C1QTNF2: variants seen among roughly 807,000 people sequenced by gnomAD.
C1QTNF2 encodes the protein C1q and TNF related 2.
Under a neutral mutation model 17.4 loss-of-function variants are expected in C1QTNF2, and 15 were observed. The observed-to-expected ratio is 0.86, with a 90% CI of 0.58 to 1.33. The LOEUF is 1.33. Among genes scored for constraint, C1QTNF2 ranks in the 40% most tolerant of loss-of-function variants. The probability of loss-of-function intolerance (pLI) is 0.00; values close to 1 mark genes in which losing one functional copy is unlikely to be tolerated. For synonymous variants in C1QTNF2, 154 were observed against 163.3 expected (o/e 0.94, Z 0.44); for missense variants, 381 against 392.3 (o/e 0.97, Z 0.24).
At chr5:160,367,375 C>A (rs552293758) in intron 1 of C1QTNF2, among the ~76,000 whole-genome samples, 1 of 152,292 alleles carries the variant, frequency 6.6e-6, no homozygotes, top group African/African-American at 2.4e-5. Flanking sequence ...TGTGTCTCCC[C>A]AGAATTCACA....
At position 160,360,636 on chromosome 5, in the gene C1QTNF2, T is replaced by TA. The variant is rs368514314; in HGVS notation, c.-9-5617dup. The stretch of plus-strand genomic sequence containing the variant: ...GTAAGTATTAGTCCTTTCTCACCTG[T>TA]AAAAAAACAATCTGAGTTCCTAAAT... On this transcript the variant is annotated intron_variant, in intron 1 of 2. Transcript: ENST00000652664. 6.9e-4 allele frequency among the ~76,000 whole-genome samples: 105 copies of TA among 152,122 alleles called. 2 individuals are homozygous for TA. The highest frequency in any genetic ancestry group is 3.3e-3 in the Admixed American group (51 of 15,274).
Position 160,348,297 on chromosome 5 carries a change from C to T in C1QTNF2, c.*871G>A, listed in dbSNP as rs565275474. ...ACTTGACTCATGCAATGAGCAGATT[C>T]AAGATGATCCGCCTATCAGTGTCAC... On this transcript the variant is annotated 3_prime_UTR_variant, in exon 3 of 3. Transcript: ENST00000652664. 5.9e-4 allele frequency: 90 copies of T among 152,312 alleles called. No homozygotes were observed. The highest frequency in any genetic ancestry group is 2.1e-3 in the African/African-American group (89 of 41,570). The allele number at this position is 152,312 out of a possible 1,614,324, so 9.4% of individuals were successfully genotyped here. A position where few individuals can be genotyped will look rare whatever the true frequency, so the allele number is the denominator to read the frequency against.
intron 1 of C1QTNF2, among the ~76,000 whole-genome samples, chr5:160,369,345 T>C (rs957921179): frequency 3.3e-5 from 5 of 152,082 alleles, no homozygotes; most frequent in Non-Finnish European, 5.9e-5. Context: ...AGTCAGACAT[T>C]TGGGAGGAAA....
chr5:160,352,627 G>C (rs11748304), intron 2 of C1QTNF2, among the ~76,000 whole-genome samples: 26,779 of 152,210 alleles, frequency 0.18, 2,459 homozygotes, highest in Middle Eastern at 0.26. Flanking sequence ...AGGATCCATA[G>C]GCAAATCTCA....
chr5:160,352,427 T>C (rs895570029), intron 2 of C1QTNF2, among the ~76,000 whole-genome samples: 2 of 152,140 alleles, frequency 1.3e-5, no homozygotes, highest in African/African-American at 2.4e-5. Context: ...GGCCCCAGGG[T>C]GACAAGCTTT....
chr5:160,370,489 C>T, intron 1 of C1QTNF2, 23 bp downstream of exon 1: 1 of 1,425,294 alleles, frequency 7.0e-7, no homozygotes, highest in South Asian at 1.5e-5. Context: ...CGCCCCCGCC[C>T]GACCGCGGTG....
intron 2 of C1QTNF2, among the ~76,000 whole-genome samples, chr5:160,350,084 T>C (rs1763889388): frequency 6.6e-6 from 1 of 152,216 alleles, no homozygotes; most frequent in Non-Finnish European, 1.5e-5. Flanking sequence ...AGCTCAATCC[T>C]TCCATGGGCT....
Position 160,349,594 on chromosome 5 carries a change from GC to G in C1QTNF2, c.431del (p.Gly144AlafsTer13). On this transcript the variant is annotated frameshift_variant, in exon 3 of 3. Coordinates refer to ENST00000652664, the MANE Select transcript of C1QTNF2 (RefSeq NM_031908.6). LOFTEE classifies it high-confidence loss of function. This position sits in a 1 kb window ranked among gnomAD's most constrained non-coding sequence, Gnocchi z 4.3. ...AGAAAGCTGACTTGGTATGGCCACT[GC>G]CACAGCTGCAGGGGCCTGGGAGGCC... is the stretch of plus-strand genomic sequence containing the variant. Reference protein sequence around the residue: ...EPGLPGPCSCGSGHTKSAFSV... With the variant: ...EPGLPGPCSCXSGHTKSAFSV... 1 of 1,613,580 alleles carries G rather than the reference GC, an allele frequency of 6.2e-7. No homozygotes were observed. The highest frequency in any genetic ancestry group is 8.5e-7 in the Non-Finnish European group (1 of 1,179,930).
At chr5:160,369,504 G>A (rs1764309990) in intron 1 of C1QTNF2, among the ~76,000 whole-genome samples, 1 of 152,186 alleles carries the variant, frequency 6.6e-6, no homozygotes, top group Admixed American at 6.5e-5. Flanking sequence ...ATGGTGCAGA[G>A]GGAGGGCAAA....
Position 160,349,317 on chromosome 5 carries a change from T to G in C1QTNF2, c.709A>C (p.Thr237Pro), listed in dbSNP as rs1763862029. ...TCACCCTGCTTGAGAGCCAGGATGG[T>G]GGAGCCTGAGGCCACATCGTGGTTG... ...TGNHDVASGS[T>P]ILALKQGDEV... Residue 237 changes from threonine (T) to proline (P), a missense_variant, in exon 3 of 3, where the codon ACC becomes CCC. Physicochemically the swap from Thr to Pro is conservative, Grantham distance 38 (BLOSUM62 -1). Coordinates refer to ENST00000652664, the MANE Select transcript of C1QTNF2 (RefSeq NM_031908.6). This position sits in a 1 kb window ranked among gnomAD's most constrained non-coding sequence, Gnocchi z 4.3. 6.2e-7 allele frequency: 1 copy of G among 1,613,970 alleles called. No individual in the cohort carries two copies. Among genetic ancestry groups the G allele is most frequent in the Non-Finnish European group, 8.5e-7 (1 of 1,179,992 alleles).
At chr5:160,369,847 A>T (rs1182439172) in intron 1 of C1QTNF2, among the ~76,000 whole-genome samples, 2 of 152,204 alleles carry the variant, frequency 1.3e-5, no homozygotes, top group African/African-American at 2.4e-5. Flanking sequence ...GGGATGGAGA[A>T]ATAAGGACAA....
At chr5:160,368,598 T>C (rs1366726419) in intron 1 of C1QTNF2, among the ~76,000 whole-genome samples, 1 of 151,846 alleles carries the variant, frequency 6.6e-6, no homozygotes, top group Non-Finnish European at 1.5e-5. Context: ...GTTTGATTTA[T>C]GCAAGAGTTC....
chr5:160,367,505 T>A (rs1334289599), intron 1 of C1QTNF2, among the ~76,000 whole-genome samples: 1 of 152,130 alleles, frequency 6.6e-6, no homozygotes, highest in Non-Finnish European at 1.5e-5. Flanking sequence ...ATGAGTGGTG[T>A]CGTTACATTA....
In C1QTNF2 at chr5:160,349,536, G is replaced by A. The variant is rs771479495; in HGVS notation, c.490C>T (p.Arg164Trp). 66 of 1,613,732 alleles carry A rather than the reference G, an allele frequency of 4.1e-5. No homozygotes were observed. Among genetic ancestry groups the A allele is most frequent in the Non-Finnish European group, 4.9e-5 (58 of 1,180,014 alleles). ...VAVTKSYPRE[R>W]LPIKFDKILM... ...ATCTTGTCAAACTTGATGGGCAGCCGCTCCCGTGGGTAGCTCTTGGTCACT... is the reference window on the plus strand; with the variant it reads ...ATCTTGTCAAACTTGATGGGCAGCCACTCCCGTGGGTAGCTCTTGGTCACT... The change falls in exon 3 of 3, where the codon CGG (arginine) becomes TGG (tryptophan). Residue 164 changes from arginine to tryptophan, a missense_variant. Transcript: ENST00000652664. The surrounding 1 kb of genome is among the most constrained non-coding windows in gnomAD (Gnocchi z 4.3).
intron 2 of C1QTNF2, among the ~76,000 whole-genome samples, chr5:160,353,958 C>T (rs931321596): frequency 1.3e-5 from 2 of 151,890 alleles, no homozygotes; most frequent in African/African-American, 2.4e-5. Flanking sequence ...CATACACCAC[C>T]AGACCTGGCT....
intron 1 of C1QTNF2, among the ~76,000 whole-genome samples, chr5:160,358,127 A>G (rs1404797116): frequency 3.3e-5 from 5 of 152,258 alleles, no homozygotes; most frequent in Middle Eastern, 3.2e-3. Context: ...TCTGAGACAC[A>G]CAGGGAGGAA....
Position 160,370,600 on chromosome 5 carries a change from G to A in C1QTNF2, c.-98C>T, listed in dbSNP as rs773815515. 39 of 1,448,396 alleles carry A rather than the reference G, an allele frequency of 2.7e-5. No individual in the cohort carries two copies. Among genetic ancestry groups the A allele is most frequent in the Non-Finnish European group, 3.4e-5 (38 of 1,105,052 alleles). The allele number at this position is 1,448,396 out of a possible 1,614,324, so 89.7% of individuals were successfully genotyped here. ...GTCCCGGCTTTCCTCAGCGGCAGCA[G>A]CCGGGCAGAGCGTCGGCCCCAGGCA... is the stretch of plus-strand genomic sequence containing the variant. On this transcript the variant is annotated 5_prime_UTR_variant, in exon 1 of 3. Coordinates refer to ENST00000652664, the MANE Select transcript of C1QTNF2 (RefSeq NM_031908.6).
At chr5:160,370,390 A>C in intron 1 of C1QTNF2, 122 bp downstream of exon 1, 3 of 1,256,976 alleles carry the variant, frequency 2.4e-6, no homozygotes, top group Non-Finnish European at 3.1e-6. Context: ...CCCGCAATAA[A>C]GGCGCGCTGG....
chr5:160,369,073 A>C (rs936586731), intron 1 of C1QTNF2, among the ~76,000 whole-genome samples: 36 of 152,028 alleles, frequency 2.4e-4, no homozygotes, highest in Non-Finnish European at 5.1e-4. Context: ...AAAAAAAAAA[A>C]ACAGCACAAA....
Sources: allele counts gnomAD v4.1 joint callset (sites outside exome capture counted in the v4.1 genomes callset), GRCh38; gene constraint gnomAD v4.1.1; non-coding constraint Gnocchi (gnomAD v3.1); transcripts MANE v1.5; gene names NCBI Gene and HGNC (gene_info 2026-07-23, HGNC 2026-07-21).